FAM81A: variants seen among roughly 807,000 people sequenced by gnomAD.
FAM81A encodes the protein family with sequence similarity 81 member A.
FAM81A carries 19 observed loss-of-function variants against 46.7 expected under a neutral mutation model. The ratio of observed to expected loss-of-function variants is 0.41; its 90% CI spans 0.28 to 0.60. The LOEUF (loss-of-function observed/expected upper bound fraction) is 0.60. Ranked by LOEUF, FAM81A falls within the 20% of genes least tolerant of loss-of-function variation. The probability of loss-of-function intolerance (pLI) is 0.34; values close to 1 mark genes in which losing one functional copy is unlikely to be tolerated. For missense variants in FAM81A, 377 were observed against 453.5 expected (o/e 0.83, Z 1.53); for synonymous variants, 183 against 152.9 (o/e 1.20, Z -1.45).
chr15:59,478,270 C>G (rs965861746), intron 3 of FAM81A, among the ~76,000 whole-genome samples: 1 of 152,158 alleles, frequency 6.6e-6, no homozygotes, highest in South Asian at 2.1e-4. Flanking sequence ...GTCCTTCTGG[C>G]TTGGAATGTT....
chr15:59,506,771 A>C (rs1405257626), intron 4 of FAM81A, among the ~76,000 whole-genome samples: 1 of 152,222 alleles, frequency 6.6e-6, no homozygotes, highest in Non-Finnish European at 1.5e-5. Flanking sequence ...CACCCTACTC[A>C]TACTATACAG....
intron 1 of FAM81A, among the ~76,000 whole-genome samples, chr15:59,398,945 G>A (rs1340571609): frequency 2.0e-5 from 3 of 151,942 alleles, no homozygotes; most frequent in African/African-American, 4.8e-5. Context: ...CAAGACAGGT[G>A]GATCACGAGG....
chr15:59,429,530 G>A (rs1418602380), intron 2 of FAM81A, among the ~76,000 whole-genome samples: 1 of 152,090 alleles, frequency 6.6e-6, no homozygotes, highest in Non-Finnish European at 1.5e-5. Flanking sequence ...CTGTGGAAGT[G>A]TTCCTACATA....
chr15:59,484,532 G>A (rs545560524), intron 3 of FAM81A, among the ~76,000 whole-genome samples: 12 of 152,280 alleles, frequency 7.9e-5, no homozygotes, highest in Admixed American at 5.9e-4. Context: ...CACATGGCCC[G>A]GAGAGAGAAT....
At chr15:59,471,326 A>G (rs1396509926) in intron 3 of FAM81A, among the ~76,000 whole-genome samples, 4 of 152,078 alleles carry the variant, frequency 2.6e-5, no homozygotes, top group Admixed American at 6.6e-5. Context: ...TTATAATTGC[A>G]TATATCTACC....
At chr15:59,484,194 G>A (rs2081889740) in intron 3 of FAM81A, among the ~76,000 whole-genome samples, 1 of 152,288 alleles carries the variant, frequency 6.6e-6, no homozygotes, top group African/African-American at 2.4e-5. Context: ...AAACAGGTAG[G>A]CCTTGAATAA....
intron 1 of FAM81A, among the ~76,000 whole-genome samples, chr15:59,447,687 CCTT>C (rs1439281976): frequency 6.6e-6 from 1 of 152,202 alleles, no homozygotes; most frequent in Non-Finnish European, 1.5e-5. Flanking sequence ...CCCTCTTCCT[CCTT>C]CTTTTACCAA....
At chr15:59,433,356 C>A (rs903110442), upstream of FAM81A, among the ~76,000 whole-genome samples, 2 of 151,872 alleles carry the variant, frequency 1.3e-5, no homozygotes, top group South Asian at 4.1e-4. Context: ...TATATAAATA[C>A]ACCCTGAGGC....
In FAM81A at chr15:59,514,302, G is replaced by A; in HGVS notation, c.664G>A (p.Val222Ile). The change falls in exon 7 of 9, where the codon GTT (valine) becomes ATT (isoleucine). Residue 222 changes from valine to isoleucine, a missense_variant. Val to Ile is a conservative substitution (Grantham distance 29). Transcript: ENST00000288228. ...QLLDTKFKGT[V>I]EELSNQILSA... The stretch of plus-strand genomic sequence containing the variant: ...TTTTTTTTTTAGATTTAAAGGTACA[G>A]TTGAGGAACTCAGTAACCAGATATT... 6.2e-7 allele frequency: 1 copy of A among 1,605,398 alleles called. No individual in the cohort carries two copies. Among genetic ancestry groups the A allele is most frequent in the Non-Finnish European group, 8.5e-7 (1 of 1,177,082 alleles).
At chr15:59,514,699 C>G (rs1157531703) in intron 7 of FAM81A, among the ~76,000 whole-genome samples, 1 of 152,166 alleles carries the variant, frequency 6.6e-6, no homozygotes. Flanking sequence ...AATTGTTCAT[C>G]TTCGTTTCTA....
chr15:59,514,558 G>A (rs1279509088), intron 7 of FAM81A, 134 bp downstream of exon 7: 1 of 1,148,850 alleles, frequency 8.7e-7, no homozygotes, highest in Non-Finnish European at 1.2e-6. Flanking sequence ...CATTTCCATA[G>A]TTCCATATTG....
At chr15:59,489,308 TAC>T (rs753186349) in intron 3 of FAM81A, among the ~76,000 whole-genome samples, 1,811 of 150,932 alleles carry the variant, frequency 0.012, 5 homozygotes, top group Middle Eastern at 0.024. Flanking sequence ...CATACATACA[TAC>T]ATATATACAT....
chr15:59,489,233 C>G (rs565533394), intron 3 of FAM81A, among the ~76,000 whole-genome samples: 16 of 152,120 alleles, frequency 1.1e-4, no homozygotes, highest in South Asian at 4.2e-4. Context: ...CCACTGCACT[C>G]TAGCCGGGAC....
chr15:59,507,395 GAAT>G, intron 5 of FAM81A, 53 bp downstream of exon 5: 15 of 1,583,998 alleles, frequency 9.5e-6, no homozygotes, highest in Non-Finnish European at 1.3e-5. Flanking sequence ...TCTTAGCTAA[GAAT>G]AACATGGTGT....
intron 1 of FAM81A, among the ~76,000 whole-genome samples, chr15:59,445,734 G>A (rs1195842794): frequency 6.6e-6 from 1 of 152,156 alleles, no homozygotes; most frequent in East Asian, 1.9e-4. Flanking sequence ...ACACAGAATC[G>A]TGCTTTCCCC....
chr15:59,402,040 G>C (rs1331837058), intron 1 of FAM81A: 2 of 563,888 alleles, frequency 3.5e-6, no homozygotes, highest in African/African-American at 1.9e-5. Context: ...CAGCCCCTGG[G>C]GTGCGAAAAA....
chr15:59,472,941 G>C (rs1292848918), intron 3 of FAM81A, among the ~76,000 whole-genome samples: 4 of 152,152 alleles, frequency 2.6e-5, no homozygotes, highest in Non-Finnish European at 5.9e-5. Context: ...TGCTGAGTCA[G>C]TTTTATCCCA....
At chr15:59,508,383 A>G (rs1290644891) in intron 5 of FAM81A, among the ~76,000 whole-genome samples, 1 of 152,234 alleles carries the variant, frequency 6.6e-6, no homozygotes, top group Non-Finnish European at 1.5e-5. Flanking sequence ...GACAAGGGAC[A>G]TGGGTAGGTG....
At chr15:59,437,119 C>G (rs2081248546), upstream of FAM81A, among the ~76,000 whole-genome samples, 1 of 152,102 alleles carries the variant, frequency 6.6e-6, no homozygotes, top group Non-Finnish European at 1.5e-5. Flanking sequence ...TTTCAAAGAT[C>G]ACACACAAAT....
Sources: gnomAD v4.1 joint callset for allele counts (sites outside exome capture counted in the v4.1 genomes callset) on GRCh38, gnomAD v4.1.1 for gene constraint, MANE v1.5 for transcripts, NCBI Gene and HGNC (gene_info 2026-07-23, HGNC 2026-07-21) for gene names.